The following SLC24A3 variants were observed in gnomAD, a reference collection of about 807,000 sequenced individuals.
SLC24A3 encodes solute carrier family 24 member 3.
Under a neutral mutation model 75.8 loss-of-function variants are expected in SLC24A3, and 28 were observed. The ratio of observed to expected loss-of-function variants is 0.37; its 90% CI spans 0.27 to 0.51. The LOEUF (loss-of-function observed/expected upper bound fraction) is 0.51. SLC24A3 is among the 20% of genes least tolerant of loss of function. The pLI, the probability that SLC24A3 is intolerant of heterozygous loss-of-function variation, is 0.94. For missense variants in SLC24A3, 663 were observed against 847.8 expected (o/e 0.78, Z 2.71); for synonymous variants, 372 against 334.1 (o/e 1.11, Z -1.24).
chr20:19,272,225 G>T (rs1011754044), intron 1 of SLC24A3, among the ~76,000 whole-genome samples: 4 of 152,244 alleles, frequency 2.6e-5, no homozygotes, highest in Non-Finnish European at 4.4e-5. Flanking sequence ...CTGCCAGGAG[G>T]GTTGCCCCTC....
At chr20:19,583,748 C>A (rs908124894) in intron 4 of SLC24A3, among the ~76,000 whole-genome samples, 5 of 152,238 alleles carry the variant, frequency 3.3e-5, no homozygotes, top group African/African-American at 9.6e-5. Context: ...CTACCTCACT[C>A]ACAGACTCTT....
chr20:19,268,951 A>G (rs1450378737), intron 1 of SLC24A3, among the ~76,000 whole-genome samples: 2 of 152,226 alleles, frequency 1.3e-5, no homozygotes, highest in South Asian at 2.1e-4. Flanking sequence ...AGTAACCTTT[A>G]TCTAAAGGCC....
At position 19,639,803 on chromosome 20, in the gene SLC24A3, A is replaced by G. The variant is rs1008731226; in HGVS notation, c.613-14259A>G. 3.3e-5 allele frequency among the ~76,000 whole-genome samples: 5 copies of G among 152,346 alleles called. No individual in the cohort carries two copies. The South Asian group carries it at 1.0e-3, about 32-fold the overall frequency. ...GGGAAGGCAGCTAAGGCCAGGTGAGAAATAGACAGCAGCGCCGGTGGGCTG... is the reference window on the plus strand; with the variant it reads ...GGGAAGGCAGCTAAGGCCAGGTGAGGAATAGACAGCAGCGCCGGTGGGCTG... On this transcript the variant is annotated intron_variant, in intron 6 of 16. Transcript: ENST00000328041.
At chr20:19,274,621 G>T (rs1983428123) in intron 1 of SLC24A3, among the ~76,000 whole-genome samples, 1 of 148,540 alleles carries the variant, frequency 6.7e-6, no homozygotes, top group Non-Finnish European at 1.5e-5. Flanking sequence ...GCTTCAGCTG[G>T]AAAACCCATG....
chr20:19,329,682 A>G (rs1236559501), intron 2 of SLC24A3, among the ~76,000 whole-genome samples: 1 of 152,248 alleles, frequency 6.6e-6, no homozygotes, highest in Non-Finnish European at 1.5e-5. Flanking sequence ...TTCTGGGAAC[A>G]GATAAGATCC....
chr20:19,406,686 A>G (rs1315861488), intron 2 of SLC24A3, among the ~76,000 whole-genome samples: 1 of 152,110 alleles, frequency 6.6e-6, no homozygotes, highest in African/African-American at 2.4e-5. Context: ...ACAGAGGGGG[A>G]AATCATTACA....
intron 2 of SLC24A3, among the ~76,000 whole-genome samples, chr20:19,340,663 C>T (rs1161908936): frequency 6.6e-6 from 1 of 152,190 alleles, no homozygotes; most frequent in African/African-American, 2.4e-5. Context: ...TTCCCAGGTC[C>T]TCCAACATGA....
chr20:19,602,228 C>A (rs1354779008), intron 6 of SLC24A3, among the ~76,000 whole-genome samples: 1 of 152,158 alleles, frequency 6.6e-6, no homozygotes, highest in Non-Finnish European at 1.5e-5. Context: ...GTATTGATGG[C>A]TCCTGGGCAC....
intron 1 of SLC24A3, among the ~76,000 whole-genome samples, chr20:19,221,443 C>T (rs991223342): frequency 1.2e-4 from 18 of 152,146 alleles, no homozygotes; most frequent in African/African-American, 9.7e-5. Context: ...CCCAGGTATG[C>T]GTCTTTCTTA....
chr20:19,590,054 A>G (rs2122642919), intron 6 of SLC24A3, among the ~76,000 whole-genome samples: 1 of 151,990 alleles, frequency 6.6e-6, no homozygotes, highest in South Asian at 2.1e-4. Flanking sequence ...GTCAATGCCA[A>G]GAAAACAGAC....
intron 2 of SLC24A3, among the ~76,000 whole-genome samples, chr20:19,502,050 G>C (rs1016705199): frequency 2.0e-5 from 3 of 152,074 alleles, no homozygotes; most frequent in African/African-American, 7.2e-5. Context: ...AACAAGCAGA[G>C]ACTGGAGGGG....
chr20:19,506,313 A>G (rs532624591), intron 2 of SLC24A3, among the ~76,000 whole-genome samples: 3 of 152,290 alleles, frequency 2.0e-5, no homozygotes, highest in South Asian at 2.1e-4. Context: ...ATCTGTTCCC[A>G]TGACTTGTGG....
intron 2 of SLC24A3, among the ~76,000 whole-genome samples, chr20:19,501,203 C>T (rs1408553942): frequency 6.6e-6 from 1 of 152,072 alleles, no homozygotes; most frequent in Non-Finnish European, 1.5e-5. Flanking sequence ...AAACTTTTTC[C>T]TCCTACTTCC....
rs2032284322 is a variant in SLC24A3, at chr20:19,658,015, C to T, written c.687+3879C>T. Among the ~76,000 whole-genome samples the T allele has an allele frequency of 3.3e-5, 5 of 152,254 alleles. No individual in the cohort carries two copies. The South Asian group carries it at 1.0e-3, about 32-fold the overall frequency. ...TTTTCAAACCACTCTCCCTATTATA[C>T]AGCAATGAAATGTTCAGAAGGCGTG... is the stretch of plus-strand genomic sequence containing the variant. On this transcript the variant is annotated intron_variant, in intron 7 of 16. Transcript: ENST00000328041.
chr20:19,588,715 A>G (rs762680254), intron 6 of SLC24A3, among the ~76,000 whole-genome samples: 4 of 152,276 alleles, frequency 2.6e-5, no homozygotes, highest in South Asian at 2.1e-4. Context: ...CTCTTGATGC[A>G]ACATACTAAT....
At chr20:19,638,430 G>A (rs1358033767) in intron 6 of SLC24A3, among the ~76,000 whole-genome samples, 2 of 152,090 alleles carry the variant, frequency 1.3e-5, no homozygotes, top group African/African-American at 4.8e-5. Flanking sequence ...TTCATAATAT[G>A]TGCAATTTAA....
At chr20:19,244,995 G>A (rs1351288410) in intron 1 of SLC24A3, among the ~76,000 whole-genome samples, 3 of 152,222 alleles carry the variant, frequency 2.0e-5, no homozygotes, top group African/African-American at 7.2e-5. Flanking sequence ...GGGGGTGAAA[G>A]TGGGTTGGGG....
chr20:19,456,298 T>C (rs543485983), intron 2 of SLC24A3, among the ~76,000 whole-genome samples: 4 of 152,198 alleles, frequency 2.6e-5, no homozygotes, highest in Non-Finnish European at 5.9e-5. Context: ...ATTCCCATAA[T>C]TCCCATGTGT....
Position 19,239,134 on chromosome 20 carries a change from A to AC in SLC24A3, c.142+26150_142+26151insC, listed in dbSNP as rs569747314. Among the ~76,000 whole-genome samples the AC allele has an allele frequency of 3.4e-4, 51 of 151,744 alleles. 1 individual carries two copies. In the South Asian group the frequency reaches 0.01, roughly 31 times the overall value. On this transcript the variant is annotated intron_variant, in intron 1 of 16. Transcript: ENST00000328041. ...AAAGCTTATTTTAAAAAAAAAAAAAAAAAACAACACAGAGTAAGAATGAGT... is the reference window on the plus strand; with the variant it reads ...AAAGCTTATTTTAAAAAAAAAAAAAACAAAACAACACAGAGTAAGAATGAGT...
Sources: allele counts gnomAD v4.1 joint callset (sites outside exome capture counted in the v4.1 genomes callset), GRCh38; gene constraint gnomAD v4.1.1; transcripts MANE v1.5; gene names NCBI Gene and HGNC (gene_info 2026-07-23, HGNC 2026-07-21).